Variants in PDZD2 observed in about 807,000 individuals in gnomAD.
PDZD2 encodes PDZ domain-containing protein 2.
In PDZD2, 90 loss-of-function variants were observed where a neutral mutation model predicts 220.7. The ratio of observed to expected loss-of-function variants is 0.41; its 90% confidence interval spans 0.34 to 0.49. The LOEUF is 0.49. Among genes scored for constraint, PDZD2 ranks in the 20% least tolerant of loss-of-function variants. The pLI is 0.28. For synonymous variants in PDZD2, 1,375 were observed against 1,450.5 expected (o/e 0.95, Z 1.18); for missense variants, 3,174 against 3,608.5 (o/e 0.88, Z 3.08).
chr5:32,074,162 A>T lies in PDZD2; in HGVS notation c.3056A>T (p.Glu1019Val), dbSNP rs200171708. Reference protein sequence around the residue: ...SKGMDVHNQEERPRKTLVSKA... With the variant: ...SKGMDVHNQEVRPRKTLVSKA... ...GGCATGGACGTCCACAACCAAGAGG[A>T]ACGACCCCGGAAAACACTGGTGAGC... Residue 1019 changes from glutamate to valine, a missense_variant, in exon 18 of 25, where the codon GAA (glutamate) becomes GTA (valine). Transcript: ENST00000438447. The T allele has an allele frequency of 5.0e-6, 8 of 1,614,142 alleles. No individual in the cohort carries two copies. Among genetic ancestry groups the T allele is most frequent in the Non-Finnish European group, 6.8e-6 (8 of 1,180,000 alleles).
chr5:32,035,974 C>T (rs1307007704), intron 6 of PDZD2, among the ~76,000 whole-genome samples: 2 of 151,786 alleles, frequency 1.3e-5, no homozygotes, highest in Non-Finnish European at 1.5e-5. Context: ...GACAGAGTCT[C>T]GCTCTGTCGC....
intron 13 of PDZD2, among the ~76,000 whole-genome samples, chr5:32,060,057 C>T (rs1739520566): frequency 6.6e-6 from 1 of 152,282 alleles, no homozygotes; most frequent in Admixed American, 6.5e-5. Flanking sequence ...GCCCTGTAAA[C>T]TTCCAAGTCC....
At chr5:32,096,127 A>G (rs1581487832) in intron 21 of PDZD2, among the ~76,000 whole-genome samples, 1 of 151,930 alleles carries the variant, frequency 6.6e-6, no homozygotes, top group Non-Finnish European at 1.5e-5. Flanking sequence ...TCAGCACCAC[A>G]TTACCTCCTA....
chr5:31,808,311 T>C (rs988599904), intron 2 of PDZD2, among the ~76,000 whole-genome samples: 2 of 152,242 alleles, frequency 1.3e-5, no homozygotes, highest in Admixed American at 6.5e-5. Context: ...TAATACACTT[T>C]AGAAAGATTT....
intron 7 of PDZD2, among the ~76,000 whole-genome samples, chr5:32,047,788 A>G (rs1392392539): frequency 6.6e-6 from 1 of 152,268 alleles, no homozygotes; most frequent in African/African-American, 2.4e-5. Flanking sequence ...AATAGCCTAC[A>G]GAATGGGGAT....
At position 32,101,182 on chromosome 5, in the gene PDZD2, G is replaced by C. The variant is rs979528480; in HGVS notation, c.8296G>C (p.Gly2766Arg). ...GGCTGGGCTGGGACTGAGTCTGGATGGGGGAAAATCATCGGTGACGGGAGA... is the reference window on the plus strand; with the variant it reads ...GGCTGGGCTGGGACTGAGTCTGGATCGGGGAAAATCATCGGTGACGGGAGA... ...TSAGLGLSLDGGKSSVTGDGP... is the reference protein window; with the variant it reads ...TSAGLGLSLDRGKSSVTGDGP... Residue 2766 changes from glycine (G) to arginine (R), a missense_variant, in exon 24 of 25, where the codon GGG becomes CGG. Gly to Arg is a moderately radical substitution (Grantham distance 125, BLOSUM62 -2). Around this residue, in one of 4 missense-constraint regions of PDZD2, gnomAD observed 631 missense variants for 789.9 expected, o/e 0.80. Transcript: ENST00000438447. 1.2e-6 allele frequency: 2 copies of C among 1,613,760 alleles called. No individual in the cohort carries two copies. Among genetic ancestry groups the C allele is most frequent in the Admixed American group, 3.3e-5 (2 of 59,998 alleles).
intron 1 of PDZD2, among the ~76,000 whole-genome samples, chr5:31,650,622 T>C (rs1745315028): frequency 6.6e-6 from 1 of 152,204 alleles, no homozygotes; most frequent in Non-Finnish European, 1.5e-5. Flanking sequence ...TTCTCCACTT[T>C]AGGAGTTTCA....
intron 1 of PDZD2, among the ~76,000 whole-genome samples, chr5:31,733,341 G>T (rs771375685): frequency 4.6e-5 from 7 of 152,180 alleles, no homozygotes; most frequent in African/African-American, 4.8e-5. Flanking sequence ...GGTTCAAATG[G>T]TTGACAGCTA....
intron 5 of PDZD2, among the ~76,000 whole-genome samples, chr5:32,008,962 T>C (rs1236640005): frequency 6.6e-6 from 1 of 151,364 alleles, no homozygotes; most frequent in Non-Finnish European, 1.5e-5. Flanking sequence ...GTCCAAAGGG[T>C]TTGGAAGGCA....
intron 2 of PDZD2, among the ~76,000 whole-genome samples, chr5:31,820,827 T>C (rs988859889): frequency 3.3e-5 from 5 of 152,188 alleles, no homozygotes; most frequent in African/African-American, 1.2e-4. Context: ...GTATTATAAT[T>C]TAAATTTATG....
rs771120171 is a variant in PDZD2 at position 31,799,577 on chromosome 5, A to C, written c.329A>C (p.Gln110Pro). The change falls in exon 2 of 25, where the codon CAG becomes CCG. Residue 110 changes from glutamine to proline, a missense_variant. Transcript: ENST00000438447. ...RRGGKKRKTH[Q>P]GPVLDVGCIW... ...GGGGGCAAGAAGAGGAAAACCCACC[A>C]GGGTCCTGTGCTGGATGTGGGCTGC... The C allele has an allele frequency of 5.3e-5, 86 of 1,614,028 alleles. No homozygotes were observed. The highest frequency in any genetic ancestry group is 2.3e-4 in the Admixed American group (14 of 59,998).
intron 2 of PDZD2, among the ~76,000 whole-genome samples, chr5:31,861,395 C>G (rs1370117906): frequency 6.6e-6 from 1 of 152,214 alleles, no homozygotes; most frequent in Non-Finnish European, 1.5e-5. Flanking sequence ...AGACCGTGGG[C>G]TCACTCAGAT....
chr5:31,670,376 T>C (rs761631194), intron 1 of PDZD2, among the ~76,000 whole-genome samples: 4 of 152,180 alleles, frequency 2.6e-5, no homozygotes, highest in Non-Finnish European at 5.9e-5. Flanking sequence ...CATTGGGGGT[T>C]CAGCACTGAG....
intron 1 of PDZD2, among the ~76,000 whole-genome samples, chr5:31,745,740 C>T (rs1331777359): frequency 6.6e-6 from 1 of 151,460 alleles, no homozygotes; most frequent in African/African-American, 2.4e-5. Flanking sequence ...TCACTGCGTC[C>T]TATCTTAGTG....
In PDZD2 at chr5:31,990,038, T is replaced by C. The variant is rs186933028; in HGVS notation, c.979-5538T>C. ...GTCTGATGACTAAGGGACTTCCAGC[T>C]CTGACATTATGCTCACCCATTTCTT... On this transcript the variant is annotated intron_variant, in intron 3 of 24. Transcript: ENST00000438447. Among the ~76,000 whole-genome samples the C allele has an allele frequency of 4.6e-5, 7 of 152,328 alleles. No homozygotes were observed. In the East Asian group the frequency reaches 9.6e-4, roughly 21 times the overall value.
At chr5:32,101,384 G>A (rs1276074953) in intron 24 of PDZD2, 145 bp downstream of exon 24, 2 of 766,722 alleles carry the variant, frequency 2.6e-6, no homozygotes, top group Non-Finnish European at 4.2e-6. Context: ...ATTCTGTATG[G>A]ACATGTATTA....
At chr5:32,064,967 CA>C (rs1436901104) in intron 14 of PDZD2, among the ~76,000 whole-genome samples, 2 of 151,488 alleles carry the variant, frequency 1.3e-5, no homozygotes. Flanking sequence ...GACTTTGTCT[CA>C]AAAAAGTAAA....
rs1754245733 is a variant in PDZD2 at position 31,799,335 on chromosome 5, G to A, written c.87G>A (p.Gly29=). 1.2e-6 allele frequency: 2 copies of A among 1,614,096 alleles called. No homozygotes were observed. The highest frequency in any genetic ancestry group is 2.2e-5 in the South Asian group (2 of 91,084). ...LQNSLQEGGD[G]PEQRLCQAAI... is the part of the protein sequence containing the mutation. ...ACAGCCTGCAGGAAGGTGGGGATGG[G>A]CCGGAGCAGCGGCTCTGCCAGGCGG... is the stretch of plus-strand genomic sequence containing the variant. Residue 29 remains glycine, a synonymous_variant, in exon 2 of 25, where the codon GGG becomes GGA. Coordinates refer to ENST00000438447, the MANE Select transcript of PDZD2 (RefSeq NM_178140.4).
intron 1 of PDZD2, among the ~76,000 whole-genome samples, chr5:31,748,650 C>T (rs1750745365): frequency 6.6e-6 from 1 of 152,190 alleles, no homozygotes; most frequent in African/African-American, 2.4e-5. Context: ...GCATTCCTGG[C>T]AAGGGGTGGG....
Sources: allele counts gnomAD v4.1 joint callset (sites outside exome capture counted in the v4.1 genomes callset), GRCh38; gene constraint gnomAD v4.1.1; regional missense constraint gnomAD v4.1.1; transcripts MANE v1.5; gene names NCBI Gene and HGNC (gene_info 2026-07-23, HGNC 2026-07-21).